LRRC7: variants seen among roughly 807,000 people sequenced by gnomAD.
The protein encoded by LRRC7 is leucine-rich repeat-containing protein 7.
Under a neutral mutation model 175.7 loss-of-function variants are expected in LRRC7, and 23 were observed. The observed-to-expected ratio is 0.13, with a 90% CI of 0.09 to 0.19. LRRC7 has a LOEUF of 0.19. LRRC7 is among the 10% of genes least tolerant of loss of function. LRRC7 has a pLI of 1.00. For synonymous variants in LRRC7, 685 were observed against 680.9 expected (o/e 1.01, Z -0.09); for missense variants, 1,354 against 1,904.7 (o/e 0.71, Z 5.38).
chr1:69,591,454 A>C (rs1402471915), intron 1 of LRRC7, among the ~76,000 whole-genome samples: 2 of 152,072 alleles, frequency 1.3e-5, no homozygotes, highest in Admixed American at 1.3e-4. Flanking sequence ...TCTGCCCTGC[A>C]AAGATACATC....
At chr1:70,076,619 A>T (rs118004542) in intron 24 of LRRC7, among the ~76,000 whole-genome samples, 1 of 152,220 alleles carries the variant, frequency 6.6e-6, no homozygotes, top group Admixed American at 6.5e-5. Context: ...TGAATGTTAT[A>T]AAGGACTTCA....
chr1:69,606,155 T>A (rs1017468595), intron 1 of LRRC7, among the ~76,000 whole-genome samples: 2 of 152,124 alleles, frequency 1.3e-5, no homozygotes, highest in Non-Finnish European at 2.9e-5. Flanking sequence ...CATTTGAGAT[T>A]TTTTACTAAA....
intron 1 of LRRC7, among the ~76,000 whole-genome samples, chr1:69,571,992 A>G (rs950113144): frequency 3.3e-5 from 5 of 152,152 alleles, no homozygotes; most frequent in African/African-American, 1.2e-4. Context: ...GTTGTCTCTA[A>G]TAACAGTGAC....
intron 11 of LRRC7, among the ~76,000 whole-genome samples, chr1:69,997,337 C>T (rs1557971526): frequency 6.6e-6 from 1 of 151,968 alleles, no homozygotes; most frequent in Non-Finnish European, 1.5e-5. Context: ...ACAATCATGT[C>T]ATCTGCAAAC....
intron 1 of LRRC7, among the ~76,000 whole-genome samples, chr1:69,626,907 CCT>C (rs1218330509): frequency 6.6e-6 from 1 of 152,024 alleles, no homozygotes; most frequent in Non-Finnish European, 1.5e-5. Context: ...ATGAACTCAT[CCT>C]TTTTTGTTGC....
intron 7 of LRRC7, among the ~76,000 whole-genome samples, chr1:69,912,602 C>A (rs1646564952): frequency 6.6e-6 from 1 of 152,130 alleles, no homozygotes; most frequent in South Asian, 2.1e-4. Context: ...CCTTTTCCCT[C>A]ACAAAGAGCT....
At chr1:69,807,718 C>A (rs868630515) in intron 4 of LRRC7, among the ~76,000 whole-genome samples, 2 of 152,058 alleles carry the variant, frequency 1.3e-5, no homozygotes, top group African/African-American at 4.8e-5. Context: ...TTCTCTCTGG[C>A]TGCCCTTAAC....
At chr1:70,042,299 C>T (rs1659975372) in intron 21 of LRRC7, among the ~76,000 whole-genome samples, 1 of 152,174 alleles carries the variant, frequency 6.6e-6, no homozygotes, top group Non-Finnish European at 1.5e-5. Flanking sequence ...CATAGCTGTG[C>T]TACTTAACAT....
rs553929869 is a variant in LRRC7 at position 69,821,052 on chromosome 1, T to C, written c.422-4696T>C. ...TTTCCTGACTTTTTAGTGATCACCA[T>C]TCTAACTGGTGTGAGACAGTATCTC... On this transcript the variant is annotated intron_variant, in intron 4 of 26. Coordinates refer to ENST00000651989, the MANE Select transcript of LRRC7 (RefSeq NM_001370785.2). 7.0e-4 allele frequency among the ~76,000 whole-genome samples: 106 copies of C among 152,334 alleles called. 1 individual carries two copies. The highest frequency in any genetic ancestry group is 2.3e-3 in the African/African-American group (95 of 41,590).
Position 70,107,396 on chromosome 1 carries a change from A to G in LRRC7, c.4546-356A>G, listed in dbSNP as rs375670264. 3.9e-3 allele frequency among the ~76,000 whole-genome samples: 588 copies of G among 152,342 alleles called. 2 individuals are homozygous for G. Among genetic ancestry groups the G allele is most frequent in the African/African-American group, 0.014 (567 of 41,582 alleles). ...ACCTTCAACTGCCTTTAATGGAGACATAGTTAAGTAGAATAACTGAAGACA... is the reference window on the plus strand; with the variant it reads ...ACCTTCAACTGCCTTTAATGGAGACGTAGTTAAGTAGAATAACTGAAGACA... On this transcript the variant is annotated intron_variant, in intron 25 of 26. Coordinates refer to ENST00000651989, the MANE Select transcript of LRRC7 (RefSeq NM_001370785.2).
At chr1:69,730,494 G>A (rs1012455558) in intron 2 of LRRC7, among the ~76,000 whole-genome samples, 1 of 152,104 alleles carries the variant, frequency 6.6e-6, no homozygotes, top group African/African-American at 2.4e-5. Context: ...TAGCAAGAGT[G>A]ACTTTTACTC....
At chr1:69,959,120 A>G (rs1036395209) in intron 8 of LRRC7, among the ~76,000 whole-genome samples, 4 of 152,058 alleles carry the variant, frequency 2.6e-5, no homozygotes, top group African/African-American at 4.8e-5. Flanking sequence ...TTCAATCCCT[A>G]TTTCAGGTAT....
intron 2 of LRRC7, among the ~76,000 whole-genome samples, chr1:69,716,778 A>G (rs1665398166): frequency 6.6e-6 from 1 of 151,882 alleles, no homozygotes; most frequent in South Asian, 2.1e-4. Flanking sequence ...CAATGATGAA[A>G]GCATGCAATG....
intron 8 of LRRC7, among the ~76,000 whole-genome samples, chr1:69,971,298 T>G (rs1302919000): frequency 6.6e-6 from 1 of 151,966 alleles, no homozygotes; most frequent in Non-Finnish European, 1.5e-5. Flanking sequence ...GAGAAAGAAA[T>G]AAAGGGCATC....
At chr1:69,772,061 C>T (rs1672302023) in intron 3 of LRRC7, among the ~76,000 whole-genome samples, 1 of 152,158 alleles carries the variant, frequency 6.6e-6, no homozygotes, top group South Asian at 2.1e-4. Flanking sequence ...GTGGAGGCTG[C>T]AGTGAGCTGA....
At chr1:69,929,722 C>G (rs1033323332) in intron 7 of LRRC7, among the ~76,000 whole-genome samples, 1 of 152,168 alleles carries the variant, frequency 6.6e-6, no homozygotes, top group East Asian at 1.9e-4. Context: ...TGTTTATAAG[C>G]CTGCAATCAC....
At chr1:69,651,085 T>A (rs1014424772) in intron 1 of LRRC7, among the ~76,000 whole-genome samples, 2 of 152,216 alleles carry the variant, frequency 1.3e-5, no homozygotes, top group Non-Finnish European at 2.9e-5. Context: ...TCTTTCTAAT[T>A]AGGTGACATG....
intron 10 of LRRC7, 146 bp from the exon 11 acceptor site, chr1:69,994,415 C>T (rs116778165): frequency 0.013 from 8,404 of 644,162 alleles, 130 homozygotes; most frequent in Non-Finnish European, 0.014. Flanking sequence ...TACACACAAA[C>T]GTCAGTTTTA....
chr1:69,769,097 G>C (rs1285287255), intron 3 of LRRC7, among the ~76,000 whole-genome samples: 1 of 152,192 alleles, frequency 6.6e-6, no homozygotes, highest in Non-Finnish European at 1.5e-5. Flanking sequence ...AGTAACTATA[G>C]TTACCAGTTA....
Sources: allele counts gnomAD v4.1 joint callset (sites outside exome capture counted in the v4.1 genomes callset), GRCh38; gene constraint gnomAD v4.1.1; transcripts MANE v1.5; gene names NCBI Gene and HGNC (gene_info 2026-07-23, HGNC 2026-07-21).